SMYD3: variants seen among roughly 807,000 people sequenced by gnomAD.
SMYD3 encodes SET and MYND domain containing 3, also known as histone-lysine N-methyltransferase SMYD3.
SMYD3 carries 36 observed loss-of-function variants against 57.7 expected under a neutral mutation model. The ratio of observed to expected loss-of-function variants is 0.62; its 90% CI spans 0.48 to 0.82. The LOEUF is 0.82. Ranked by LOEUF, SMYD3 falls within the 40% of genes least tolerant of loss-of-function variation. SMYD3 has a pLI of 0.00. For synonymous variants in SMYD3, 211 were observed against 195.0 expected, an observed-to-expected ratio of 1.08 and a Z score of -0.68; for missense variants, 515 against 538.8, an observed-to-expected ratio of 0.96 and a Z score of 0.44.
chr1:246,322,054 A>C (rs939857650), intron 5 of SMYD3, among the ~76,000 whole-genome samples: 1 of 152,106 alleles, frequency 6.6e-6, no homozygotes, highest in Non-Finnish European at 1.5e-5. Context: ...ATTGTGCCTG[A>C]CCAATAAATC....
intron 5 of SMYD3, among the ~76,000 whole-genome samples, chr1:246,106,972 A>G (rs2061134916): frequency 1.3e-5 from 2 of 152,176 alleles, no homozygotes; most frequent in Admixed American, 1.3e-4. Flanking sequence ...AAGAGAAAGT[A>G]ATACAAGAGT....
intron 5 of SMYD3, among the ~76,000 whole-genome samples, chr1:246,200,166 T>G (rs1249045573): frequency 1.3e-5 from 2 of 151,546 alleles, no homozygotes; most frequent in Non-Finnish European, 2.9e-5. Context: ...TGAGCAAGTA[T>G]GTACACAGAT....
intron 8 of SMYD3, among the ~76,000 whole-genome samples, chr1:245,885,237 C>A (rs189635042): frequency 0.01 from 1,549 of 152,340 alleles, 19 homozygotes; most frequent in Non-Finnish European, 0.016. Flanking sequence ...TCCAGACACA[C>A]CATCTTTAAG....
chr1:246,157,627 C>A (rs1172012667), intron 5 of SMYD3, among the ~76,000 whole-genome samples: 2 of 134,466 alleles, frequency 1.5e-5, no homozygotes, highest in African/African-American at 5.9e-5. Flanking sequence ...TCCCTCCTTG[C>A]CACAACAATA....
chr1:245,825,892 G>T (rs1171268346), intron 10 of SMYD3, among the ~76,000 whole-genome samples: 2 of 149,142 alleles, frequency 1.3e-5, no homozygotes, highest in Non-Finnish European at 3.0e-5. Flanking sequence ...TCTGGGTCTA[G>T]AATTGAAGTC....
At chr1:245,796,945 G>A (rs2047549604) in intron 10 of SMYD3, among the ~76,000 whole-genome samples, 1 of 152,170 alleles carries the variant, frequency 6.6e-6, no homozygotes, top group African/African-American at 2.4e-5. Flanking sequence ...CATGACTTAA[G>A]GTGCAAAACA....
At chr1:246,425,068 A>G (rs1040996381) in intron 1 of SMYD3, among the ~76,000 whole-genome samples, 1 of 152,176 alleles carries the variant, frequency 6.6e-6, no homozygotes, top group South Asian at 2.1e-4. Context: ...TGATGTTGCC[A>G]TTTATCCTAC....
intron 7 of SMYD3, among the ~76,000 whole-genome samples, chr1:245,919,671 A>G (rs2055720228): frequency 6.6e-6 from 1 of 152,230 alleles, no homozygotes; most frequent in Non-Finnish European, 1.5e-5. Context: ...AGCCAAAGAT[A>G]AAAACCTTTA....
chr1:245,792,697 T>C (rs750890177), intron 10 of SMYD3, among the ~76,000 whole-genome samples: 35 of 152,160 alleles, frequency 2.3e-4, no homozygotes, highest in Non-Finnish European at 4.0e-4. Flanking sequence ...GATAAAGTTG[T>C]CTATCGCTAA....
At chr1:246,434,848 T>A (rs1268965934) in intron 1 of SMYD3, among the ~76,000 whole-genome samples, 1 of 152,302 alleles carries the variant, frequency 6.6e-6, no homozygotes, top group South Asian at 2.1e-4. Flanking sequence ...CATGTACGTA[T>A]ATGTTTGTTG....
chr1:246,110,204 G>T (rs61839124), intron 5 of SMYD3, among the ~76,000 whole-genome samples: 1 of 152,176 alleles, frequency 6.6e-6, no homozygotes, highest in African/African-American at 2.4e-5. Context: ...CCAGAAATCA[G>T]GTTCTGTCTT....
At chr1:246,142,546 C>T (rs1195778915) in intron 5 of SMYD3, among the ~76,000 whole-genome samples, 1 of 152,124 alleles carries the variant, frequency 6.6e-6, no homozygotes, top group Non-Finnish European at 1.5e-5. Context: ...AGGGTGACTG[C>T]TAGGTGACTA....
intron 7 of SMYD3, among the ~76,000 whole-genome samples, 178 bp from the exon 8 acceptor site, chr1:245,915,818 A>C (rs2147777210): frequency 6.6e-6 from 1 of 152,294 alleles, no homozygotes; most frequent in South Asian, 2.1e-4. Flanking sequence ...TAAATTTTTA[A>C]TCTATTTCCT....
intron 5 of SMYD3, among the ~76,000 whole-genome samples, chr1:246,216,428 G>A (rs2063165728): frequency 6.6e-6 from 1 of 152,020 alleles, no homozygotes; most frequent in African/African-American, 2.4e-5. Context: ...TACATTGTTT[G>A]TACCCTCATT....
At chr1:246,076,909 A>T (rs2060559318) in intron 5 of SMYD3, among the ~76,000 whole-genome samples, 1 of 152,226 alleles carries the variant, frequency 6.6e-6, no homozygotes, top group Non-Finnish European at 1.5e-5. Context: ...GGATATATAT[A>T]CATAATAGAT....
intron 10 of SMYD3, among the ~76,000 whole-genome samples, chr1:245,776,674 G>T (rs2046612372): frequency 6.6e-6 from 1 of 152,222 alleles, no homozygotes; most frequent in Non-Finnish European, 1.5e-5. Context: ...TAGCACAGGT[G>T]TTGGAAGGTG....
chr1:246,220,106 C>T (rs773099012), intron 5 of SMYD3, among the ~76,000 whole-genome samples: 4 of 152,092 alleles, frequency 2.6e-5, no homozygotes, highest in Non-Finnish European at 5.9e-5. Context: ...TTGGCATTTA[C>T]GTTCCTCTAA....
intron 8 of SMYD3, among the ~76,000 whole-genome samples, chr1:245,896,993 AAAC>A (rs2053858416): frequency 1.3e-5 from 2 of 152,350 alleles, no homozygotes; most frequent in African/African-American, 4.8e-5. Context: ...AACCAACTGA[AAAC>A]AATCAGAACA....
chr1:246,312,615 T>C (rs2065097556), intron 5 of SMYD3, among the ~76,000 whole-genome samples: 2 of 152,092 alleles, frequency 1.3e-5, no homozygotes. Flanking sequence ...AGGCAGAGTT[T>C]AGGCACTGCA....
Sources: gnomAD v4.1 joint callset for allele counts (sites outside exome capture counted in the v4.1 genomes callset) on GRCh38, gnomAD v4.1.1 for gene constraint, MANE v1.5 for transcripts, NCBI Gene and HGNC (gene_info 2026-07-23, HGNC 2026-07-21) for gene names.